The following NEGR1 variants were observed in gnomAD, a reference collection of about 807,000 sequenced individuals.
The protein encoded by NEGR1 is IgLON family member 4.
NEGR1 carries 10 observed loss-of-function variants against 40.9 expected under a neutral mutation model. That is an observed-to-expected ratio of 0.24 (90% CI 0.15 to 0.42). The LOEUF is 0.42. NEGR1 is among the 10% of genes least tolerant of loss of function. The pLI is 1.00. For synonymous variants in NEGR1, 185 were observed against 166.8 expected, an observed-to-expected ratio of 1.11 and a Z score of -0.84; for missense variants, 352 against 438.9, an observed-to-expected ratio of 0.80 and a Z score of 1.77.
chr1:71,475,894 A>G (rs1398179615), intron 6 of NEGR1, among the ~76,000 whole-genome samples: 1 of 152,006 alleles, frequency 6.6e-6, no homozygotes, highest in Non-Finnish European at 1.5e-5. Context: ...AATATCTTCA[A>G]TAATTATTTA....
intron 1 of NEGR1, among the ~76,000 whole-genome samples, chr1:72,047,031 C>T (rs775431864): frequency 4.0e-5 from 6 of 151,510 alleles, no homozygotes; most frequent in Admixed American, 6.6e-5. Context: ...ATTAACCACC[C>T]TTTCCATACT....
chr1:71,927,641 C>G (rs1159836431), intron 2 of NEGR1, among the ~76,000 whole-genome samples: 1 of 151,216 alleles, frequency 6.6e-6, no homozygotes, highest in Non-Finnish European at 1.5e-5. Context: ...TCATATAGTT[C>G]AACAGATTAA....
At chr1:71,826,314 T>A (rs1658622349) in intron 2 of NEGR1, among the ~76,000 whole-genome samples, 1 of 151,934 alleles carries the variant, frequency 6.6e-6, no homozygotes, top group South Asian at 2.1e-4. Context: ...GATGATAGAG[T>A]TTTGATTATC....
At chr1:72,011,444 C>A (rs929112919) in intron 1 of NEGR1, among the ~76,000 whole-genome samples, 11 of 152,158 alleles carry the variant, frequency 7.2e-5, no homozygotes, top group Middle Eastern at 3.4e-3. Flanking sequence ...TTAGATATTA[C>A]AAGGGAAACT....
intron 1 of NEGR1, among the ~76,000 whole-genome samples, chr1:72,025,504 A>G (rs977108563): frequency 1.3e-5 from 2 of 152,194 alleles, no homozygotes; most frequent in Non-Finnish European, 1.5e-5. Context: ...CCGTGTTTTC[A>G]GGCACATAGT....
chr1:71,756,717 C>T (rs908144282), intron 3 of NEGR1, among the ~76,000 whole-genome samples: 2 of 151,982 alleles, frequency 1.3e-5, no homozygotes, highest in African/African-American at 4.8e-5. Context: ...AGATGTATTA[C>T]ACTAATACAT....
chr1:71,765,766 C>T (rs1051259672), intron 3 of NEGR1, among the ~76,000 whole-genome samples: 17 of 152,174 alleles, frequency 1.1e-4, no homozygotes, highest in Admixed American at 1.1e-3. Flanking sequence ...TCCTTAAAAT[C>T]ATGGCATTCT....
intron 6 of NEGR1, among the ~76,000 whole-genome samples, chr1:71,508,747 T>C (rs779456948): frequency 1.1e-4 from 17 of 152,158 alleles, no homozygotes; most frequent in Middle Eastern, 6.8e-3. Flanking sequence ...ACGGGGTGGG[T>C]AACTCCAAGC....
intron 1 of NEGR1, among the ~76,000 whole-genome samples, chr1:72,149,930 A>G (rs1161346478): frequency 1.3e-5 from 2 of 151,588 alleles, no homozygotes; most frequent in African/African-American, 4.8e-5. Flanking sequence ...AGAAAGAAAA[A>G]AAAACACCAA....
At chr1:71,754,370 C>T (rs946081818) in intron 3 of NEGR1, among the ~76,000 whole-genome samples, 2 of 152,134 alleles carry the variant, frequency 1.3e-5, no homozygotes, top group Non-Finnish European at 2.9e-5. Context: ...TTTCAGTGTT[C>T]TGCAATTGCT....
chr1:71,752,683 G>A (rs778281446), intron 3 of NEGR1, among the ~76,000 whole-genome samples: 13 of 149,314 alleles, frequency 8.7e-5, no homozygotes, highest in Admixed American at 2.6e-4. Flanking sequence ...ATATCTCCCC[G>A]GTCTATAAAT....
intron 1 of NEGR1, among the ~76,000 whole-genome samples, chr1:72,178,453 C>T (rs1159625106): frequency 6.6e-6 from 1 of 151,604 alleles, no homozygotes; most frequent in African/African-American, 2.4e-5. Context: ...TTCTGCTTGA[C>T]AGCTCACATA....
chr1:71,798,840 A>T (rs1330738215), intron 2 of NEGR1, among the ~76,000 whole-genome samples: 1 of 152,148 alleles, frequency 6.6e-6, no homozygotes, highest in Non-Finnish European at 1.5e-5. Flanking sequence ...TTATCCCAAT[A>T]ATCCCTTTAA....
chr1:71,409,119 A>G (rs1646299656), intron 6 of NEGR1: 1 of 152,014 alleles, frequency 6.6e-6, no homozygotes, highest in South Asian at 2.1e-4. Flanking sequence ...AAAAATAAAA[A>G]GACAAAGAAA....
chr1:71,851,665 G>A (rs1225300231), intron 2 of NEGR1, among the ~76,000 whole-genome samples: 1 of 152,194 alleles, frequency 6.6e-6, no homozygotes, highest in African/African-American at 2.4e-5. Flanking sequence ...TGGAGGAAGA[G>A]ATTACTTCTC....
At chr1:71,685,018 T>C (rs990800486) in intron 4 of NEGR1, among the ~76,000 whole-genome samples, 6 of 152,214 alleles carry the variant, frequency 3.9e-5, no homozygotes, top group African/African-American at 1.4e-4. Context: ...ACAAGCAATA[T>C]ATCATTGTTT....
At chr1:71,724,609 G>C (rs1366412289) in intron 3 of NEGR1, among the ~76,000 whole-genome samples, 1 of 151,984 alleles carries the variant, frequency 6.6e-6, no homozygotes, top group Non-Finnish European at 1.5e-5. Context: ...TTGTTCTTGG[G>C]TATATTTATG....
At chr1:72,166,365 T>C (rs1199802214) in intron 1 of NEGR1, among the ~76,000 whole-genome samples, 2 of 152,100 alleles carry the variant, frequency 1.3e-5, no homozygotes, top group Admixed American at 6.6e-5. Flanking sequence ...AAAAACTGTA[T>C]GGAGGTTCCT....
At chr1:71,595,717 G>A (rs1432350532) in intron 5 of NEGR1, among the ~76,000 whole-genome samples, 1 of 152,080 alleles carries the variant, frequency 6.6e-6, no homozygotes, top group Non-Finnish European at 1.5e-5. Context: ...ACATAAACAG[G>A]TGTTTACAAC....
Sources: gnomAD v4.1 joint callset for allele counts (sites outside exome capture counted in the v4.1 genomes callset) on GRCh38, gnomAD v4.1.1 for gene constraint, MANE v1.5 for transcripts, NCBI Gene and HGNC (gene_info 2026-07-23, HGNC 2026-07-21) for gene names.